The following MACROD2 variants were observed in gnomAD, a reference collection of about 807,000 sequenced individuals.
The protein encoded by MACROD2 is mono-ADP ribosylhydrolase 2, also known as ADP-ribose glycohydrolase MACROD2.
MACROD2 carries 36 observed loss-of-function variants against 70.4 expected under a neutral mutation model. The observed-to-expected ratio is 0.51, with a 90% confidence interval of 0.39 to 0.68. MACROD2 has a LOEUF of 0.68. Among genes scored for constraint, MACROD2 ranks in the 30% least tolerant of loss-of-function variants. The probability of loss-of-function intolerance (pLI) is 0.00; values close to 1 mark genes in which losing one functional copy is unlikely to be tolerated. For synonymous variants in MACROD2, 172 were observed against 178.8 expected (o/e 0.96, Z 0.30); for missense variants, 496 against 538.4 (o/e 0.92, Z 0.78).
chr20:14,799,036 G>A (rs1489624021), intron 5 of MACROD2, among the ~76,000 whole-genome samples: 2 of 151,804 alleles, frequency 1.3e-5, no homozygotes, highest in Admixed American at 6.6e-5. Context: ...CATTATTTAT[G>A]ATATCTTTTA....
At chr20:14,308,898 G>A (rs1306685895) in intron 3 of MACROD2, among the ~76,000 whole-genome samples, 2 of 152,264 alleles carry the variant, frequency 1.3e-5, no homozygotes, top group African/African-American at 4.8e-5. Flanking sequence ...AGTAGCAGTG[G>A]TTATGTCCTG....
chr20:15,824,936 T>C (rs150421063), intron 8 of MACROD2, among the ~76,000 whole-genome samples: 2 of 152,282 alleles, frequency 1.3e-5, no homozygotes, highest in South Asian at 2.1e-4. Context: ...CAAATAAGTA[T>C]AAAAAGGTAC....
At chr20:14,870,588 C>A (rs1464439947) in intron 5 of MACROD2, among the ~76,000 whole-genome samples, 2 of 152,032 alleles carry the variant, frequency 1.3e-5, no homozygotes, top group Admixed American at 6.6e-5. Context: ...TTTTTCTCCT[C>A]AACCTCACCA....
At chr20:15,513,619 C>A (rs1363130897) in intron 8 of MACROD2, among the ~76,000 whole-genome samples, 3 of 152,188 alleles carry the variant, frequency 2.0e-5, no homozygotes. Context: ...GATTGATATA[C>A]TCAAACCCTA....
intron 4 of MACROD2, among the ~76,000 whole-genome samples, chr20:14,526,613 C>T (rs560138921): frequency 2.0e-5 from 3 of 152,278 alleles, no homozygotes; most frequent in South Asian, 2.1e-4. Context: ...TCTTCACGGA[C>T]GTCTATAATA....
chr20:15,523,713 G>A (rs961888592), intron 8 of MACROD2, among the ~76,000 whole-genome samples: 1 of 152,124 alleles, frequency 6.6e-6, no homozygotes, highest in South Asian at 2.1e-4. Flanking sequence ...AGAATAGACT[G>A]GGGGGTGAAA....
chr20:14,600,492 A>C (rs1044893351), intron 4 of MACROD2, among the ~76,000 whole-genome samples: 2 of 152,066 alleles, frequency 1.3e-5, no homozygotes, highest in Non-Finnish European at 2.9e-5. Flanking sequence ...CAGATACAAA[A>C]ATTTTTAAAA....
chr20:15,456,417 G>C (rs767119570), intron 7 of MACROD2, among the ~76,000 whole-genome samples: 2 of 152,164 alleles, frequency 1.3e-5, no homozygotes, highest in Non-Finnish European at 1.5e-5. Flanking sequence ...TTTGCTGTTT[G>C]CTATTTGGAT....
chr20:14,948,644 C>T (rs2074451876), intron 5 of MACROD2, among the ~76,000 whole-genome samples: 1 of 152,166 alleles, frequency 6.6e-6, no homozygotes, highest in Non-Finnish European at 1.5e-5. Flanking sequence ...ACTGCAAGCT[C>T]TAAAATAGGC....
At chr20:15,136,410 T>C (rs1162495429) in intron 5 of MACROD2, among the ~76,000 whole-genome samples, 1 of 152,044 alleles carries the variant, frequency 6.6e-6, no homozygotes, top group African/African-American at 2.4e-5. Context: ...TAATGCCGCA[T>C]ATCTACAACT....
chr20:15,701,168 T>C (rs2050452596), intron 8 of MACROD2, among the ~76,000 whole-genome samples: 1 of 152,248 alleles, frequency 6.6e-6, no homozygotes, highest in East Asian at 1.9e-4. Flanking sequence ...TATTTATGTA[T>C]TGTCCATAGC....
At chr20:14,836,784 A>G (rs2073034704) in intron 5 of MACROD2, among the ~76,000 whole-genome samples, 1 of 152,114 alleles carries the variant, frequency 6.6e-6, no homozygotes, top group Non-Finnish European at 1.5e-5. Flanking sequence ...AATGATAGAC[A>G]GTTAAACAGA....
At chr20:15,088,447 ATATAATATTT>A (rs1568567481) in intron 5 of MACROD2, among the ~76,000 whole-genome samples, 86 of 75,402 alleles carry the variant, frequency 1.1e-3, no homozygotes, top group African/African-American at 4.5e-3. Flanking sequence ...ATATATATAT[ATATAATATTT>A]TGTGTGTGTG....
At chr20:15,498,851 A>T (rs933180467) in intron 7 of MACROD2, among the ~76,000 whole-genome samples, 1 of 152,244 alleles carries the variant, frequency 6.6e-6, no homozygotes, top group African/African-American at 2.4e-5. Context: ...TAAAACATAA[A>T]AAAACTAGTC....
At position 15,074,362 on chromosome 20, in the gene MACROD2, A is replaced by C. The variant is rs141685494; in HGVS notation, c.419-155578A>C. Among the ~76,000 whole-genome samples, 308 of 152,308 alleles carry C rather than the reference A, an allele frequency of 2.0e-3. 2 individuals are homozygous for C. Among genetic ancestry groups the C allele is most frequent in the African/African-American group, 7.1e-3 (295 of 41,576 alleles). ...AAACCTGAAAAGACTGGGTTCAGGG[A>C]GCTTCCAGATAGCTGAACACCTGAA... On this transcript the variant is annotated intron_variant, in intron 5 of 17. Coordinates refer to ENST00000684519, the MANE Select transcript of MACROD2 (RefSeq NM_001351661.2).
At chr20:15,701,049 G>T (rs1435578457) in intron 8 of MACROD2, among the ~76,000 whole-genome samples, 1 of 152,166 alleles carries the variant, frequency 6.6e-6, no homozygotes, top group Non-Finnish European at 1.5e-5. Context: ...ACCAAATTTT[G>T]AGAACTGCTG....
chr20:15,057,126 A>T (rs1316370781), intron 5 of MACROD2, among the ~76,000 whole-genome samples: 1 of 152,186 alleles, frequency 6.6e-6, no homozygotes, highest in Non-Finnish European at 1.5e-5. Context: ...AGTGTGTGTG[A>T]TAGCTTTATA....
chr20:14,173,758 G>C (rs1238660706), intron 3 of MACROD2, among the ~76,000 whole-genome samples: 1 of 152,274 alleles, frequency 6.6e-6, no homozygotes, highest in South Asian at 2.1e-4. Context: ...ATGCTAGAGG[G>C]AAGATCTAGG....
intron 8 of MACROD2, among the ~76,000 whole-genome samples, chr20:15,695,461 G>A (rs1170412686): frequency 6.7e-6 from 1 of 148,678 alleles, no homozygotes; most frequent in Non-Finnish European, 1.5e-5. Flanking sequence ...AGGCTGGAGT[G>A]CAGTGGAGCA....
Sources: allele counts gnomAD v4.1 joint callset (sites outside exome capture counted in the v4.1 genomes callset), GRCh38; gene constraint gnomAD v4.1.1; transcripts MANE v1.5; gene names NCBI Gene and HGNC (gene_info 2026-07-23, HGNC 2026-07-21).